Variants in PARVA observed in about 807,000 individuals in gnomAD.
PARVA encodes parvin alpha, also known as alpha-parvin.
A neutral mutation model predicts 52.6 loss-of-function variants in PARVA; 25 were observed. The ratio of observed to expected loss-of-function variants is 0.48; its 90% CI spans 0.35 to 0.66. PARVA has a LOEUF of 0.66. Among genes scored for constraint, PARVA ranks in the 30% least tolerant of loss-of-function variants. The pLI is 0.01. For missense variants in PARVA, 373 were observed against 450.9 expected (o/e 0.83, Z 1.56); for synonymous variants, 185 against 179.1 (o/e 1.03, Z -0.26).
chr11:12,473,812 G>T lies in PARVA; in HGVS notation c.204G>T (p.Leu68=). ...CCCTCAGCCCAATTCCCTTTGAGCT[G>T]GACCCCGAGGACACGATGCTGGGTA... ...NLPLSPIPFE[L]DPEDTMLEEN... is the part of the protein sequence containing the mutation. Residue 68 remains leucine (L), a synonymous_variant, in exon 2 of 13, where the codon CTG becomes CTT. Coordinates refer to ENST00000334956, the MANE Select transcript of PARVA (RefSeq NM_018222.5). The T allele has an allele frequency of 6.4e-7, 1 of 1,570,876 alleles. No individual in the cohort carries two copies.
intron 1 of PARVA, among the ~76,000 whole-genome samples, chr11:12,471,099 T>G (rs1940926963): frequency 6.6e-6 from 1 of 152,218 alleles, no homozygotes; most frequent in Non-Finnish European, 1.5e-5. Context: ...GAGCTTGGCG[T>G]GAACCATGGT....
At chr11:12,445,759 T>C (rs1940536781) in intron 1 of PARVA, among the ~76,000 whole-genome samples, 1 of 152,092 alleles carries the variant, frequency 6.6e-6, no homozygotes, top group African/African-American at 2.4e-5. Context: ...GCTCCATACA[T>C]ATGGGGGCCA....
intron 4 of PARVA, among the ~76,000 whole-genome samples, chr11:12,485,439 A>C (rs1941145210): frequency 6.6e-6 from 1 of 152,204 alleles, no homozygotes; most frequent in Non-Finnish European, 1.5e-5. Flanking sequence ...ATGAGCCTAG[A>C]GCATCTTGCA....
At chr11:12,447,799 C>G (rs1940567126) in intron 1 of PARVA, among the ~76,000 whole-genome samples, 1 of 152,172 alleles carries the variant, frequency 6.6e-6, no homozygotes, top group Non-Finnish European at 1.5e-5. Context: ...AGGCACCCAT[C>G]AAAAAGACCA....
chr11:12,411,779 A>G (rs1467810383), intron 1 of PARVA, among the ~76,000 whole-genome samples: 1 of 152,106 alleles, frequency 6.6e-6, no homozygotes, highest in Non-Finnish European at 1.5e-5. Context: ...GTTTATGGGG[A>G]GTCTAAAAAC....
upstream of PARVA, chr11:12,377,472 G>A (rs554846608): frequency 1.4e-6 from 2 of 1,407,216 alleles, no homozygotes; most frequent in South Asian, 1.6e-5. Context: ...GGCGGCGCGA[G>A]GGAGGGAGCG....
chr11:12,526,233 T>C (rs1179578759), intron 12 of PARVA, among the ~76,000 whole-genome samples: 7 of 75,322 alleles, frequency 9.3e-5, no homozygotes, highest in Non-Finnish European at 2.4e-4. Flanking sequence ...AAATAAAATC[T>C]TTTTTTTTAA....
intron 1 of PARVA, among the ~76,000 whole-genome samples, chr11:12,379,594 T>G (rs1049343606): frequency 1.3e-5 from 2 of 152,068 alleles, no homozygotes; most frequent in Non-Finnish European, 2.9e-5. Flanking sequence ...TTTAATAGAT[T>G]GCTCCATGAA....
intron 1 of PARVA, among the ~76,000 whole-genome samples, chr11:12,456,857 G>GAC (rs1427739887): frequency 2.0e-5 from 3 of 152,024 alleles, no homozygotes; most frequent in Non-Finnish European, 4.4e-5. Context: ...TTTACCCCAG[G>GAC]ACACAGCACA....
intron 1 of PARVA, among the ~76,000 whole-genome samples, chr11:12,427,797 A>G (rs780054125): frequency 2.6e-5 from 4 of 152,218 alleles, no homozygotes; most frequent in Non-Finnish European, 5.9e-5. Flanking sequence ...CTCTCTTGAG[A>G]AAAGGTGAAT....
intron 1 of PARVA, among the ~76,000 whole-genome samples, chr11:12,381,304 A>G (rs1001655717): frequency 2.0e-5 from 3 of 152,192 alleles, no homozygotes; most frequent in Non-Finnish European, 4.4e-5. Flanking sequence ...TGTGCTCTGT[A>G]GAATCTGCCT....
chr11:12,461,030 C>G (rs748950528), intron 1 of PARVA, among the ~76,000 whole-genome samples: 5 of 152,168 alleles, frequency 3.3e-5, no homozygotes, highest in Non-Finnish European at 7.3e-5. Context: ...GCGTCCCCCC[C>G]TCTCACATTA....
chr11:12,511,542 C>T lies in PARVA; in HGVS notation c.736+9C>T. 6.2e-7 allele frequency: 1 copy of T among 1,613,208 alleles called. No homozygotes were observed. On this transcript the variant is annotated intron_variant, in intron 8 of 12. Coordinates refer to ENST00000334956, the MANE Select transcript of PARVA (RefSeq NM_018222.5). ...TCTTTCCGGGAGGCATGGTAAGTCA[C>T]ATAAGATTGTCCTCTGGCACTGGTG... is the stretch of plus-strand genomic sequence containing the variant.
intron 1 of PARVA, among the ~76,000 whole-genome samples, chr11:12,461,371 C>T (rs531113770): frequency 6.6e-6 from 1 of 152,302 alleles, no homozygotes; most frequent in African/African-American, 2.4e-5. Flanking sequence ...CATGTGGACA[C>T]ACACAGATGC....
chr11:12,398,946 T>A (rs1230021311), intron 1 of PARVA, among the ~76,000 whole-genome samples: 1 of 152,182 alleles, frequency 6.6e-6, no homozygotes, highest in East Asian at 1.9e-4. Context: ...TTGTATTTAT[T>A]GAATTATTTA....
chr11:12,488,951 G>A (rs2135052753), intron 4 of PARVA, among the ~76,000 whole-genome samples: 1 of 152,142 alleles, frequency 6.6e-6, no homozygotes, highest in East Asian at 1.9e-4. Flanking sequence ...CCAAAGACAT[G>A]AGCGTAAGCC....
chr11:12,509,748 A>C (rs1448692095), intron 7 of PARVA, among the ~76,000 whole-genome samples: 4 of 152,190 alleles, frequency 2.6e-5, no homozygotes, highest in African/African-American at 9.7e-5. Flanking sequence ...GTATCACCTC[A>C]GAGGCCAGTC....
intron 1 of PARVA, among the ~76,000 whole-genome samples, chr11:12,468,983 C>T (rs753215252): frequency 1.1e-4 from 17 of 152,096 alleles, no homozygotes; most frequent in Non-Finnish European, 2.1e-4. Context: ...CATCATGATT[C>T]GTTTAAACCA....
At chr11:12,484,094 T>C (rs993315018) in intron 4 of PARVA, among the ~76,000 whole-genome samples, 5 of 152,240 alleles carry the variant, frequency 3.3e-5, no homozygotes, top group African/African-American at 4.8e-5. Context: ...ACCTCAGTTA[T>C]ACAGGTATGT....
Sources: gnomAD v4.1 joint callset for allele counts (sites outside exome capture counted in the v4.1 genomes callset) on GRCh38, gnomAD v4.1.1 for gene constraint, MANE v1.5 for transcripts, NCBI Gene and HGNC (gene_info 2026-07-23, HGNC 2026-07-21) for gene names.